The following GFRA2 variants were observed in gnomAD, a reference collection of about 807,000 sequenced individuals.
GFRA2 encodes the protein GDNF family receptor alpha 2, also known as GDNF family receptor alpha-2.
A neutral mutation model predicts 48.3 loss-of-function variants in GFRA2; 17 were observed. The observed-to-expected ratio is 0.35, with a 90% confidence interval of 0.24 to 0.53. The LOEUF (loss-of-function observed/expected upper bound fraction) is 0.53, where lower values mean the gene tolerates loss of function less well. Ranked by LOEUF, GFRA2 falls within the 20% of genes least tolerant of loss-of-function variation. The pLI is 0.93. For synonymous variants in GFRA2, 305 were observed against 257.2 expected, an observed-to-expected ratio of 1.19 and a Z score of -1.78; for missense variants, 660 against 637.3, an observed-to-expected ratio of 1.04 and a Z score of -0.38.
At chr8:21,699,384 A>G (rs1036257518) in intron 7 of GFRA2, among the ~76,000 whole-genome samples, 2 of 152,184 alleles carry the variant, frequency 1.3e-5, no homozygotes, top group African/African-American at 4.8e-5. Flanking sequence ...CCAAGATGTG[A>G]CTGGCAGTCC....
intron 4 of GFRA2, among the ~76,000 whole-genome samples, chr8:21,734,790 T>C (rs953569856): frequency 7.9e-5 from 12 of 152,258 alleles, no homozygotes; most frequent in Non-Finnish European, 1.5e-4. Flanking sequence ...GATGAAATTC[T>C]GCTGTGATGA....
At chr8:21,747,219 A>G (rs1302365824) in intron 4 of GFRA2, among the ~76,000 whole-genome samples, 2 of 152,162 alleles carry the variant, frequency 1.3e-5, no homozygotes, top group Non-Finnish European at 2.9e-5. Flanking sequence ...AGCATTCAGA[A>G]GAAGAAGCGA....
Position 21,750,295 on chromosome 8 carries a change from G to C in GFRA2, c.794+293C>G, listed in dbSNP as rs1047864545. Among the ~76,000 whole-genome samples, 1 of 152,034 alleles carries C rather than the reference G, an allele frequency of 6.6e-6. No homozygotes were observed. The highest frequency in any genetic ancestry group is 1.5e-5 in the Non-Finnish European group (1 of 68,022). Reference sequence around the variant, plus strand: ...GTGGTTTTAAATTATAAGCTCCTTGGGTTGTTCATTTTGGTTTCCCCAGCT... The same window carrying C: ...GTGGTTTTAAATTATAAGCTCCTTGCGTTGTTCATTTTGGTTTCCCCAGCT... On this transcript the variant is annotated intron_variant, in intron 4 of 8. Transcript: ENST00000524240. This position sits in a 1 kb window ranked among gnomAD's most constrained non-coding sequence, Gnocchi z 5.7.
intron 2 of GFRA2, among the ~76,000 whole-genome samples, chr8:21,800,753 C>A (rs1283499548): frequency 6.6e-6 from 1 of 152,048 alleles, no homozygotes; most frequent in African/African-American, 2.4e-5. Context: ...GGTGAGACCC[C>A]ATCTCTATAC....
chr8:21,797,287 CTTTTTTTTT>C (rs1159867192), intron 2 of GFRA2, among the ~76,000 whole-genome samples: 1 of 85,646 alleles, frequency 1.2e-5, no homozygotes, highest in Non-Finnish European at 2.2e-5. Context: ...CCTTTCTTTG[CTTTTTTTTT>C]TTTTTTTTTT....
chr8:21,781,153 C>T (rs1039101520), intron 2 of GFRA2, among the ~76,000 whole-genome samples: 2 of 152,154 alleles, frequency 1.3e-5, no homozygotes, highest in African/African-American at 4.8e-5. Flanking sequence ...TTGCCACTGT[C>T]CTGGTTCCGC....
chr8:21,752,958 G>A (rs897385633), intron 3 of GFRA2, among the ~76,000 whole-genome samples: 1 of 152,066 alleles, frequency 6.6e-6, no homozygotes, highest in Non-Finnish European at 1.5e-5. Context: ...CACTGTGCCT[G>A]TTAAGAGCCT....
chr8:21,740,015 A>G (rs1031102068), intron 4 of GFRA2, among the ~76,000 whole-genome samples: 1 of 152,178 alleles, frequency 6.6e-6, no homozygotes, highest in Non-Finnish European at 1.5e-5. Flanking sequence ...CAGGGAGGAC[A>G]TGGCGGGTGG....
chr8:21,775,904 T>A (rs1806670466), intron 2 of GFRA2, among the ~76,000 whole-genome samples: 2 of 151,638 alleles, frequency 1.3e-5, no homozygotes, highest in Admixed American at 6.6e-5. Context: ...AATCCCACCC[T>A]CCTCTGCTGA....
Position 21,779,916 on chromosome 8 carries a change from T to G in GFRA2, c.355+2669A>C, listed in dbSNP as rs200219410. ...CTCCCCTGTTCGAAGGCTCATCCCC[T>G]GGCCCACTTTGTGCCCTGGACCCAG... On this transcript the variant is annotated intron_variant, in intron 2 of 8. Coordinates refer to ENST00000524240, the MANE Select transcript of GFRA2 (RefSeq NM_001495.5). Among the ~76,000 whole-genome samples the G allele has an allele frequency of 2.6e-3, 396 of 152,132 alleles. 21 individuals carry two copies. The East Asian group carries it at 0.071, about 27-fold the overall frequency.
chr8:21,742,788 G>A (rs973940210), intron 4 of GFRA2, among the ~76,000 whole-genome samples: 1 of 152,198 alleles, frequency 6.6e-6, no homozygotes, highest in African/African-American at 2.4e-5. Flanking sequence ...ACTCAGAGAT[G>A]CCTGGGTCCT....
chr8:21,721,280 C>A (rs932186478), intron 4 of GFRA2, among the ~76,000 whole-genome samples: 8 of 152,208 alleles, frequency 5.3e-5, no homozygotes, highest in African/African-American at 1.9e-4. Flanking sequence ...TCTTATCCTG[C>A]CCACTGGTGG....
At chr8:21,747,246 G>A (rs56913075) in intron 4 of GFRA2, among the ~76,000 whole-genome samples, 10,173 of 152,188 alleles carry the variant, frequency 0.067, 436 homozygotes, top group Non-Finnish European at 0.086. Flanking sequence ...CTCAAATCAT[G>A]CTCCCATCTA....
rs1585345370 is a variant in GFRA2, at chr8:21,788,116, T to C, written c.40+4A>G. On this transcript the variant is annotated splice_donor_region_variant and intron_variant, in intron 1 of 8. Transcript: ENST00000524240. The stretch of plus-strand genomic sequence containing the variant: ...CCTCGAGCTCGCCGCCCGCAGGTAC[T>C]CACCTAGAAAGAAGAAGAGGCAGAA... 7.2e-7 allele frequency: 1 copy of C among 1,392,964 alleles called. No individual in the cohort carries two copies. Among genetic ancestry groups the C allele is most frequent in the East Asian group, 3.7e-5 (1 of 27,308 alleles). 86.3% of individuals were successfully genotyped at this position (1,392,964 alleles called of 1,614,324 possible).
At chr8:21,723,830 C>T (rs1194791694) in intron 4 of GFRA2, among the ~76,000 whole-genome samples, 1 of 152,206 alleles carries the variant, frequency 6.6e-6, no homozygotes, top group Non-Finnish European at 1.5e-5. Context: ...CCAGTTCCTT[C>T]ATCCCGCTTG....
At chr8:21,790,554 C>A (rs928586752), upstream of GFRA2, among the ~76,000 whole-genome samples, 1 of 152,222 alleles carries the variant, frequency 6.6e-6, no homozygotes, top group Non-Finnish European at 1.5e-5. Context: ...TGCTCCCGGC[C>A]TTGGAAGCAC....
chr8:21,778,961 T>C (rs1806841372), intron 2 of GFRA2, among the ~76,000 whole-genome samples: 1 of 151,602 alleles, frequency 6.6e-6, no homozygotes, highest in Admixed American at 6.6e-5. Flanking sequence ...ACCACTTTGG[T>C]AGGCCGAGAC....
intron 7 of GFRA2, among the ~76,000 whole-genome samples, chr8:21,701,005 G>C (rs1177679499): frequency 6.6e-6 from 1 of 152,196 alleles, no homozygotes; most frequent in Non-Finnish European, 1.5e-5. Flanking sequence ...GGGAAGGAGG[G>C]GAGGCACCCA....
intron 2 of GFRA2, among the ~76,000 whole-genome samples, chr8:21,775,814 G>A (rs1034704702): frequency 2.6e-5 from 4 of 152,092 alleles, no homozygotes; most frequent in Non-Finnish European, 5.9e-5. Flanking sequence ...GTGCCTTGGG[G>A]GCTCAGGAAT....
Sources: allele counts gnomAD v4.1 joint callset (sites outside exome capture counted in the v4.1 genomes callset), GRCh38; gene constraint gnomAD v4.1.1; non-coding constraint Gnocchi (gnomAD v3.1); transcripts MANE v1.5; gene names NCBI Gene and HGNC (gene_info 2026-07-23, HGNC 2026-07-21).